FLRT2: variants seen among roughly 807,000 people sequenced by gnomAD.
The protein encoded by FLRT2 is leucine-rich repeat transmembrane protein FLRT2.
A neutral mutation model predicts 40.0 loss-of-function variants in FLRT2; 15 were observed. The observed-to-expected ratio is 0.38, with a 90% CI of 0.25 to 0.58. The LOEUF (loss-of-function observed/expected upper bound fraction) is 0.58. FLRT2 is among the 20% of genes least tolerant of loss of function. The pLI, the probability that FLRT2 is intolerant of heterozygous loss-of-function variation, is 0.71. For synonymous variants in FLRT2, 380 were observed against 336.8 expected (o/e 1.13, Z -1.41); for missense variants, 726 against 840.0 (o/e 0.86, Z 1.68).
chr14:85,648,217 C>T lies in FLRT2; in HGVS notation c.*24720C>T, dbSNP rs1214352000. The T allele has an allele frequency of 6.6e-6, 1 of 152,054 alleles. No individual in the cohort carries two copies. The highest frequency in any genetic ancestry group is 2.4e-5 in the African/African-American group (1 of 41,420). The allele number at this position is 152,054 out of a possible 1,614,324, so 9.4% of individuals were successfully genotyped here. On this transcript the variant is annotated 3_prime_UTR_variant, in exon 2 of 2. Transcript: ENST00000330753. ...GTTAGGCAGGTGCATGTTGTTATTGCTACTTTTTTCAAGTCTAAGTTCTAG... is the reference window on the plus strand; with the variant it reads ...GTTAGGCAGGTGCATGTTGTTATTGTTACTTTTTTCAAGTCTAAGTTCTAG...
chr14:85,563,128 A>G (rs892910582), intron 1 of FLRT2: 7 of 152,058 alleles, frequency 4.6e-5, no homozygotes, highest in Non-Finnish European at 1.0e-4. Flanking sequence ...AAAGGAACAC[A>G]TACTAAGTTT....
rs1315463505 is a variant in FLRT2 at position 85,638,203 on chromosome 14, A to G, written c.*14706A>G. On this transcript the variant is annotated 3_prime_UTR_variant, in exon 2 of 2. Transcript: ENST00000330753. Reference sequence around the variant, plus strand: ...TTGCGATGGACAGACGCCACCGCAGAGAGCAAGGTTTACCTGTGTGGTTGG... The same window carrying G: ...TTGCGATGGACAGACGCCACCGCAGGGAGCAAGGTTTACCTGTGTGGTTGG... 1 of 152,194 alleles carries G rather than the reference A, an allele frequency of 6.6e-6. No homozygotes were observed. Among genetic ancestry groups the G allele is most frequent in the Non-Finnish European group, 1.5e-5 (1 of 68,052 alleles). The allele number at this position is 152,194 out of a possible 1,614,324, so 9.4% of individuals were successfully genotyped here.
rs74070125 is a variant in FLRT2 at position 85,584,765 on chromosome 14, G to A, written c.-376-36374G>A. ...AGCCTTGCAGAGGCGGTGTGCATGTGTGCAGCTGCACATCTGCGAGAATAC... is the reference window on the plus strand; with the variant it reads ...AGCCTTGCAGAGGCGGTGTGCATGTATGCAGCTGCACATCTGCGAGAATAC... On this transcript the variant is annotated intron_variant, in intron 1 of 1. Coordinates refer to ENST00000330753, the MANE Select transcript of FLRT2 (RefSeq NM_013231.6). 3.4e-3 allele frequency among the ~76,000 whole-genome samples: 525 copies of A among 152,276 alleles called. 3 individuals are homozygous for A. The highest frequency in any genetic ancestry group is 0.012 in the African/African-American group (505 of 41,562).
At chr14:85,558,889 C>T (rs1890139755) in intron 1 of FLRT2, among the ~76,000 whole-genome samples, 2 of 152,184 alleles carry the variant, frequency 1.3e-5, no homozygotes, top group African/African-American at 2.4e-5. Flanking sequence ...ATAATGTATT[C>T]TGAAATAAAG....
At position 85,636,224 on chromosome 14, in the gene FLRT2, C is replaced by G. The variant is rs1005641919; in HGVS notation, c.*12727C>G. 3 of 151,360 alleles carry G rather than the reference C, an allele frequency of 2.0e-5. No individual in the cohort carries two copies. The highest frequency in any genetic ancestry group is 2.9e-5 in the Non-Finnish European group (2 of 67,854). The allele number at this position is 151,360 out of a possible 1,614,324, so 9.4% of individuals were successfully genotyped here. ...AAGTTAGTTTTAAATATTATGCTAC[C>G]TCTATAAAGGACCAAAATAGTATTT... On this transcript the variant is annotated 3_prime_UTR_variant, in exon 2 of 2. Transcript: ENST00000330753.
At chr14:85,617,652 G>A (rs1893193877) in intron 1 of FLRT2, among the ~76,000 whole-genome samples, 1 of 152,126 alleles carries the variant, frequency 6.6e-6, no homozygotes, top group South Asian at 2.1e-4. Flanking sequence ...TTATGGCTTA[G>A]GTGGTTGTAA....
chr14:85,616,156 G>A (rs976147624), intron 1 of FLRT2, among the ~76,000 whole-genome samples: 19 of 151,928 alleles, frequency 1.3e-4, no homozygotes, highest in Admixed American at 1.2e-3. Flanking sequence ...TTTTTTGCAT[G>A]TTGATTTATA....
Position 85,646,011 on chromosome 14 carries a change from T to C in FLRT2, c.*22514T>C, listed in dbSNP as rs1894293089. 6.6e-6 allele frequency: 1 copy of C among 150,632 alleles called. No homozygotes were observed. Among genetic ancestry groups the C allele is most frequent in the South Asian group, 2.1e-4 (1 of 4,832 alleles). The allele number at this position is 150,632 out of a possible 1,614,324, so 9.3% of individuals were successfully genotyped here. ...AATAGACAATTACTCTGTATATAGA[T>C]TTGCCTGCCTTGTAACCATGCCTTT... On this transcript the variant is annotated 3_prime_UTR_variant, in exon 2 of 2. Coordinates refer to ENST00000330753, the MANE Select transcript of FLRT2 (RefSeq NM_013231.6).
rs1894081293 is a variant in FLRT2 at position 85,639,062 on chromosome 14, A to G, written c.*15565A>G. 1 of 152,238 alleles carries G rather than the reference A, an allele frequency of 6.6e-6. No individual in the cohort carries two copies. The allele number at this position is 152,238 out of a possible 1,614,324, so 9.4% of individuals were successfully genotyped here. On this transcript the variant is annotated 3_prime_UTR_variant, in exon 2 of 2. Coordinates refer to ENST00000330753, the MANE Select transcript of FLRT2 (RefSeq NM_013231.6). ...TTAGGATAAGTGTCGTCTCTTGTAG[A>G]TAGATAAAAACTAAACTGAAACCAA...
rs1256466709 is a variant in FLRT2 at position 85,629,146 on chromosome 14, C to T, written c.*5649C>T. ...TAATAAACACTTTTTCTAATGCATT[C>T]CAGTGTCTCAGAGCCTGCATAATCA... is the stretch of plus-strand genomic sequence containing the variant. On this transcript the variant is annotated 3_prime_UTR_variant, in exon 2 of 2. Transcript: ENST00000330753. 6.6e-6 allele frequency: 1 copy of T among 152,182 alleles called. No homozygotes were observed. The highest frequency in any genetic ancestry group is 1.5e-5 in the Non-Finnish European group (1 of 68,036). The allele number at this position is 152,182 out of a possible 1,614,324, so 9.4% of individuals were successfully genotyped here.
chr14:85,587,773 A>G (rs1242114864), intron 1 of FLRT2, among the ~76,000 whole-genome samples: 2 of 152,166 alleles, frequency 1.3e-5, no homozygotes, highest in African/African-American at 2.4e-5. Context: ...TAATATGAGA[A>G]TATTTTTTAA....
intron 1 of FLRT2, among the ~76,000 whole-genome samples, chr14:85,573,609 C>G (rs1464596860): frequency 6.6e-6 from 1 of 152,096 alleles, no homozygotes; most frequent in Non-Finnish European, 1.5e-5. Flanking sequence ...TTCAGCTGTT[C>G]AAGACACAGG....
chr14:85,553,320 T>C (rs1284749950), intron 1 of FLRT2, among the ~76,000 whole-genome samples: 1 of 152,172 alleles, frequency 6.6e-6, no homozygotes, highest in Non-Finnish European at 1.5e-5. Context: ...TTTAAATTCC[T>C]GTGCCCAGTA....
Position 85,632,783 on chromosome 14 carries a change from T to C in FLRT2, c.*9286T>C, listed in dbSNP as rs1271902939. The C allele has an allele frequency of 6.6e-6, 1 of 152,184 alleles. No homozygotes were observed. Among genetic ancestry groups the C allele is most frequent in the Non-Finnish European group, 1.5e-5 (1 of 68,042 alleles). 9.4% of individuals were successfully genotyped at this position (152,184 alleles called of 1,614,324 possible). ...TTGTAAAGAAGGGAGTGGAGAGTGG[T>C]AGTTATTAAGAAATCAGTTTGAAAT... On this transcript the variant is annotated 3_prime_UTR_variant, in exon 2 of 2. Transcript: ENST00000330753.
At position 85,598,744 on chromosome 14, in the gene FLRT2, C is replaced by T. The variant is rs565007400; in HGVS notation, c.-376-22395C>T. Among the ~76,000 whole-genome samples, 281 of 152,204 alleles carry T rather than the reference C, an allele frequency of 1.8e-3. 2 individuals carry two copies. Among genetic ancestry groups the T allele is most frequent in the African/African-American group, 6.1e-3 (254 of 41,536 alleles). On this transcript the variant is annotated intron_variant, in intron 1 of 1. Coordinates refer to ENST00000330753, the MANE Select transcript of FLRT2 (RefSeq NM_013231.6). ...ATCCTAGATAAATGAAGTGACAACA[C>T]TTCCCGTTAGTGACAGAACTAAGAC...
At position 85,634,389 on chromosome 14, in the gene FLRT2, A is replaced by G. The variant is rs1201426736; in HGVS notation, c.*10892A>G. 6.6e-6 allele frequency: 1 copy of G among 152,150 alleles called. No individual in the cohort carries two copies. Among genetic ancestry groups the G allele is most frequent in the African/African-American group, 2.4e-5 (1 of 41,426 alleles). 9.4% of individuals were successfully genotyped at this position (152,150 alleles called of 1,614,324 possible). A position where few individuals can be genotyped will look rare whatever the true frequency, so the allele number is the denominator to read the frequency against. Reference sequence around the variant, plus strand: ...CTGTTTTGACTGGTAGGCCTCAGCTATCCTATTGCTAAGTATTTTACATAA... The same window carrying G: ...CTGTTTTGACTGGTAGGCCTCAGCTGTCCTATTGCTAAGTATTTTACATAA... On this transcript the variant is annotated 3_prime_UTR_variant, in exon 2 of 2. Coordinates refer to ENST00000330753, the MANE Select transcript of FLRT2 (RefSeq NM_013231.6).
chr14:85,594,042 AAAAAC>A (rs147789885), intron 1 of FLRT2, among the ~76,000 whole-genome samples: 52,995 of 151,140 alleles, frequency 0.35, 9,590 homozygotes, highest in Non-Finnish European at 0.4. Flanking sequence ...ACTCTGTCTC[AAAAAC>A]AAAACAAAAC....
At chr14:85,573,359 T>C (rs2139864383) in intron 1 of FLRT2, among the ~76,000 whole-genome samples, 1 of 152,204 alleles carries the variant, frequency 6.6e-6, no homozygotes, top group Non-Finnish European at 1.5e-5. Context: ...GAGCAAAAAG[T>C]AATTGAGTTT....
At chr14:85,555,402 C>T (rs1020917502) in intron 1 of FLRT2, among the ~76,000 whole-genome samples, 1 of 152,120 alleles carries the variant, frequency 6.6e-6, no homozygotes, top group African/African-American at 2.4e-5. Flanking sequence ...GGAAGCCTCA[C>T]AATCATAGTG....
Sources: allele counts gnomAD v4.1 joint callset (sites outside exome capture counted in the v4.1 genomes callset), GRCh38; gene constraint gnomAD v4.1.1; transcripts MANE v1.5; gene names NCBI Gene and HGNC (gene_info 2026-07-23, HGNC 2026-07-21).